Variants in PARVA observed in about 807,000 individuals in gnomAD.
PARVA encodes the protein alpha-parvin.
A neutral mutation model predicts 52.6 loss-of-function variants in PARVA; 25 were observed. That is an observed-to-expected ratio of 0.48 (90% confidence interval 0.35 to 0.66). The LOEUF (loss-of-function observed/expected upper bound fraction) is 0.66, where lower values mean the gene tolerates loss of function less well. Ranked by LOEUF, PARVA falls within the 30% of genes least tolerant of loss-of-function variation. The probability of loss-of-function intolerance (pLI) is 0.01; values close to 1 mark genes in which losing one functional copy is unlikely to be tolerated. For missense variants in PARVA, 373 were observed against 450.9 expected, an observed-to-expected ratio of 0.83 and a Z score of 1.56; for synonymous variants, 185 against 179.1, an observed-to-expected ratio of 1.03 and a Z score of -0.26.
intron 1 of PARVA, among the ~76,000 whole-genome samples, chr11:12,421,493 C>A (rs571881262): frequency 1.3e-5 from 2 of 152,134 alleles, no homozygotes; most frequent in East Asian, 1.9e-4. Flanking sequence ...AATCTTATAC[C>A]TTTGAAGTGA....
At chr11:12,432,321 G>C (rs1276911785) in intron 1 of PARVA, among the ~76,000 whole-genome samples, 5 of 152,252 alleles carry the variant, frequency 3.3e-5, no homozygotes, top group African/African-American at 2.4e-5. Context: ...TAGGACAGTA[G>C]TATCTTTCAG....
intron 1 of PARVA, among the ~76,000 whole-genome samples, chr11:12,421,114 A>G (rs1429060477): frequency 1.3e-5 from 2 of 148,982 alleles, no homozygotes; most frequent in African/African-American, 5.0e-5. Flanking sequence ...GCTTGCCATT[A>G]TGGATTGCTA....
intron 1 of PARVA, among the ~76,000 whole-genome samples, chr11:12,415,186 C>T (rs988515987): frequency 2.6e-5 from 4 of 152,026 alleles, no homozygotes; most frequent in East Asian, 1.9e-4. Flanking sequence ...CACAGATGGG[C>T]GTTTTGGGAC....
intron 1 of PARVA, among the ~76,000 whole-genome samples, chr11:12,456,248 A>G (rs1294211249): frequency 1.3e-5 from 2 of 152,318 alleles, no homozygotes; most frequent in South Asian, 2.1e-4. Flanking sequence ...GGCATGCACT[A>G]CTGTGCTGGG....
intron 1 of PARVA, 62 bp downstream of exon 1, chr11:12,377,845 G>A: frequency 4.5e-6 from 6 of 1,321,480 alleles, no homozygotes; most frequent in Non-Finnish European, 5.9e-6. Flanking sequence ...GGGGCCGAGG[G>A]GCCGGGGCAC....
At chr11:12,432,092 T>C (rs1284671887) in intron 1 of PARVA, among the ~76,000 whole-genome samples, 1 of 152,242 alleles carries the variant, frequency 6.6e-6, no homozygotes, top group Non-Finnish European at 1.5e-5. Context: ...AATAAAATTC[T>C]TTTTACAATT....
At chr11:12,517,556 G>A (rs959030849) in intron 10 of PARVA, 54 bp from the exon 11 acceptor site, 13 of 1,314,590 alleles carry the variant, frequency 9.9e-6, no homozygotes, top group Admixed American at 3.9e-5. Flanking sequence ...CCCCCTGGAT[G>A]GGGATTGGCT....
chr11:12,387,960 A>G (rs1292053318), intron 1 of PARVA, among the ~76,000 whole-genome samples: 1 of 152,182 alleles, frequency 6.6e-6, no homozygotes, highest in Non-Finnish European at 1.5e-5. Context: ...AGAGATTCAG[A>G]GTTCCCTTAA....
chr11:12,421,800 A>G (rs1940154222), intron 1 of PARVA, among the ~76,000 whole-genome samples: 1 of 152,270 alleles, frequency 6.6e-6, no homozygotes, highest in Non-Finnish European at 1.5e-5. Flanking sequence ...AGGAAAAGCC[A>G]AAAGGATGCA....
At chr11:12,445,754 A>G (rs1260106966) in intron 1 of PARVA, among the ~76,000 whole-genome samples, 1 of 152,158 alleles carries the variant, frequency 6.6e-6, no homozygotes, top group Non-Finnish European at 1.5e-5. Context: ...AGCCGGCTCC[A>G]TACATATGGG....
chr11:12,376,718 G>A (rs1248729846), upstream of PARVA: 44 of 984,650 alleles, frequency 4.5e-5, no homozygotes, highest in Non-Finnish European at 5.2e-5. Context: ...AAGAGCCAGA[G>A]TGAGAACTTG....
intron 1 of PARVA, among the ~76,000 whole-genome samples, chr11:12,386,577 G>A (rs948601250): frequency 1.5e-4 from 23 of 152,228 alleles, no homozygotes; most frequent in African/African-American, 5.3e-4. Context: ...CAGCCCTCTT[G>A]CCTACCATAA....
chr11:12,418,909 T>A (rs539291574), intron 1 of PARVA, among the ~76,000 whole-genome samples: 3 of 152,310 alleles, frequency 2.0e-5, no homozygotes, highest in South Asian at 4.1e-4. Context: ...AGAAACCCTT[T>A]ACATGTAGTA....
intron 4 of PARVA, among the ~76,000 whole-genome samples, chr11:12,485,635 GAACA>G (rs745593520): frequency 6.6e-6 from 1 of 152,098 alleles, no homozygotes; most frequent in Non-Finnish European, 1.5e-5. Context: ...ATAAATAACT[GAACA>G]AATAAGCAAA....
In PARVA at chr11:12,534,002, A is replaced by T. The variant is rs1941805872; in HGVS notation, c.*6077A>T. Among the ~76,000 whole-genome samples the T allele has an allele frequency of 6.6e-6, 1 of 152,090 alleles. No individual in the cohort carries two copies. The highest frequency in any genetic ancestry group is 1.5e-5 in the Non-Finnish European group (1 of 68,022). On this transcript the variant is annotated 3_prime_UTR_variant, in exon 13 of 13. Transcript: ENST00000334956. ...GCTAATATGGTGAAACCCCGTCTGT[A>T]CTAAAAATACAAAAAATTAGCCAGG...
upstream of PARVA, chr11:12,376,739 G>A (rs1222145464): frequency 8.1e-6 from 8 of 984,282 alleles, no homozygotes; most frequent in Non-Finnish European, 9.7e-6. Context: ...AGATGGGTAA[G>A]CTCAATAACA....
At chr11:12,434,413 G>T (rs1195296927) in intron 1 of PARVA, among the ~76,000 whole-genome samples, 1 of 152,154 alleles carries the variant, frequency 6.6e-6, no homozygotes, top group East Asian at 1.9e-4. Context: ...TCTGGCGCTT[G>T]GTCCCTATCA....
intron 1 of PARVA, chr11:12,452,949 G>C: frequency 4.4e-6 from 2 of 454,660 alleles, no homozygotes; most frequent in Non-Finnish European, 8.9e-6. Flanking sequence ...AGAAACCACA[G>C]GGAGGGGGTC....
intron 7 of PARVA, among the ~76,000 whole-genome samples, chr11:12,511,109 G>T (rs1941497145): frequency 6.6e-6 from 1 of 152,054 alleles, no homozygotes; most frequent in African/African-American, 2.4e-5. Flanking sequence ...GTAAAATTCT[G>T]CATTGAGGGG....
Sources: allele counts gnomAD v4.1 joint callset (sites outside exome capture counted in the v4.1 genomes callset), GRCh38; gene constraint gnomAD v4.1.1; transcripts MANE v1.5; gene names NCBI Gene and HGNC (gene_info 2026-07-23, HGNC 2026-07-21).